Variants in ZNF586 observed in about 807,000 individuals in gnomAD.
ZNF586 encodes the protein zinc finger protein 586.
Under a neutral mutation model 6.7 loss-of-function variants are expected in ZNF586, and 7 were observed. The observed-to-expected ratio is 1.04, with a 90% CI of 0.59 to 1.95. The LOEUF (loss-of-function observed/expected upper bound fraction) is 1.95, where lower values mean the gene tolerates loss of function less well. Among genes scored for constraint, ZNF586 ranks in the 30% most tolerant of loss-of-function variants. The pLI is 0.00. For synonymous variants in ZNF586, 166 were observed against 168.7 expected, an observed-to-expected ratio of 0.98 and a Z score of 0.12; for missense variants, 442 against 489.6, an observed-to-expected ratio of 0.90 and a Z score of 0.92.
At chr19:57,778,063 A>T (rs1188039915) in intron 2 of ZNF586, among the ~76,000 whole-genome samples, 3 of 143,402 alleles carry the variant, frequency 2.1e-5, no homozygotes, top group Non-Finnish European at 4.5e-5. Context: ...GCCTCTATGG[A>T]GTATATAATC....
At chr19:57,778,255 A>T (rs1987288621) in intron 2 of ZNF586, among the ~76,000 whole-genome samples, 1 of 151,780 alleles carries the variant, frequency 6.6e-6, no homozygotes, top group Non-Finnish European at 1.5e-5. Flanking sequence ...TTTTTAGTAG[A>T]GATGGGGTTT....
intron 1 of ZNF586, among the ~76,000 whole-genome samples, chr19:57,775,061 A>AC (rs1987198044): frequency 6.6e-6 from 1 of 150,456 alleles, no homozygotes; most frequent in South Asian, 2.1e-4. Context: ...GTACAGTGGC[A>AC]GATCTCATCT....
At chr19:57,774,515 C>T (rs1039075557) in intron 1 of ZNF586, among the ~76,000 whole-genome samples, 3 of 150,182 alleles carry the variant, frequency 2.0e-5, no homozygotes, top group African/African-American at 7.3e-5. Context: ...AAGAGTGAAA[C>T]TCCATCTCAA....
intron 1 of ZNF586, among the ~76,000 whole-genome samples, chr19:57,770,313 C>T (rs1436834642): frequency 1.3e-5 from 2 of 151,828 alleles, no homozygotes; most frequent in Non-Finnish European, 2.9e-5. Flanking sequence ...TGCGCCACCA[C>T]GGGGTTTCAC....
chr19:57,779,773 A>G lies in ZNF586; in HGVS notation c.1186A>G (p.Thr396Ala), dbSNP rs377067568. 3 of 1,600,706 alleles carry G rather than the reference A, an allele frequency of 1.9e-6. No homozygotes were observed. ...SSFRRHQRVH[T>A]GMRPYK is the part of the protein sequence containing the mutation. The stretch of plus-strand genomic sequence containing the variant: ...GTTCCGTCGCCATCAGAGAGTTCAT[A>G]CTGGAATGAGGCCTTATAAGTGAAG... Residue 396 changes from threonine to alanine, a missense_variant, in exon 3 of 3, where the codon ACT becomes GCT. Physicochemically the swap from Thr to Ala is moderately conservative, Grantham distance 58. Transcript: ENST00000396154.
In ZNF586 at chr19:57,779,875, G is replaced by T; in HGVS notation, c.*79G>T. The T allele has an allele frequency of 8.2e-7, 1 of 1,215,064 alleles. No individual in the cohort carries two copies. The highest frequency in any genetic ancestry group is 1.5e-5 in the South Asian group (1 of 67,438). 75.3% of individuals were successfully genotyped at this position (1,215,064 alleles called of 1,614,324 possible). On this transcript the variant is annotated 3_prime_UTR_variant, in exon 3 of 3. Coordinates refer to ENST00000396154, the MANE Select transcript of ZNF586 (RefSeq NM_017652.4). Reference sequence around the variant, plus strand: ...AGTTCACACCAGATCAAGGTGTTATGAGTGTGACAAATGGGGAATATTCTT... The same window carrying T: ...AGTTCACACCAGATCAAGGTGTTATTAGTGTGACAAATGGGGAATATTCTT...
intron 1 of ZNF586, among the ~76,000 whole-genome samples, chr19:57,776,006 C>A (rs78778746): frequency 0.015 from 2,218 of 152,326 alleles, 35 homozygotes; most frequent in Middle Eastern, 0.037. Flanking sequence ...TTCGTGATGA[C>A]TTGTGTTCAG....
chr19:57,779,823 A>G lies in ZNF586; in HGVS notation c.*27A>G, dbSNP rs770140647. On this transcript the variant is annotated 3_prime_UTR_variant, in exon 3 of 3. Transcript: ENST00000396154. ...GCAAATTTTGGAAATTCTCTTGCCCAGGCTTTTTGCTCCTTCAAGGCCAGA... is the reference window on the plus strand; with the variant it reads ...GCAAATTTTGGAAATTCTCTTGCCCGGGCTTTTTGCTCCTTCAAGGCCAGA... 4 of 1,547,948 alleles carry G rather than the reference A, an allele frequency of 2.6e-6. No homozygotes were observed. The highest frequency in any genetic ancestry group is 3.5e-6 in the Non-Finnish European group (4 of 1,147,804).
intron 1 of ZNF586, among the ~76,000 whole-genome samples, chr19:57,773,657 G>A (rs1301419482): frequency 3.9e-5 from 6 of 152,310 alleles, no homozygotes; most frequent in Non-Finnish European, 7.4e-5. Flanking sequence ...TTTGGCAAGT[G>A]ACATAATGCT....
rs760123815 is a variant in ZNF586, at chr19:57,779,020, A to G, written c.433A>G (p.Thr145Ala). The change falls in exon 3 of 3, where the codon ACT becomes GCT. Residue 145 changes from threonine to alanine, a missense_variant. Thr to Ala is a moderately conservative substitution (Grantham distance 58). Coordinates refer to ENST00000396154, the MANE Select transcript of ZNF586 (RefSeq NM_017652.4). ...PTLHIHERFH[T>A]GQKTYECSEC... ...ACTCCATATTCATGAGAGATTTCAT[A>G]CTGGGCAAAAGACCTATGAGTGCAG... 8.1e-6 allele frequency: 13 copies of G among 1,614,142 alleles called. No individual in the cohort carries two copies. Among genetic ancestry groups the G allele is most frequent in the Non-Finnish European group, 1.1e-5 (13 of 1,180,032 alleles).
intron 2 of ZNF586, among the ~76,000 whole-genome samples, chr19:57,777,155 G>A (rs932860245): frequency 5.3e-5 from 8 of 152,150 alleles, no homozygotes; most frequent in South Asian, 4.1e-4. Flanking sequence ...GAGGCTACTC[G>A]GAGCCCAGGA....
intron 1 of ZNF586, among the ~76,000 whole-genome samples, chr19:57,774,216 C>CA (rs34864063): frequency 0.13 from 8,832 of 68,830 alleles, 1,511 homozygotes; most frequent in African/African-American, 0.4. Flanking sequence ...AACTCCGTCT[C>CA]AAAAAAAAAA....
rs765668911 is a variant in ZNF586, at chr19:57,779,267, T to G, written c.680T>G (p.Ile227Ser). 3.7e-6 allele frequency: 6 copies of G among 1,613,988 alleles called. No individual in the cohort carries two copies. Among genetic ancestry groups the G allele is most frequent in the Non-Finnish European group, 4.2e-6 (5 of 1,180,030 alleles). Residue 227 changes from isoleucine (I) to serine (S), a missense_variant, in exon 3 of 3, where the codon ATT becomes AGT. Physicochemically the swap from Ile to Ser is moderately radical, Grantham distance 142 (BLOSUM62 -2). Coordinates refer to ENST00000396154, the MANE Select transcript of ZNF586 (RefSeq NM_017652.4). ...TCTAGTCTCATTAAACACAGGAGGA[T>G]TCACACTGGAGAGAGGCCTTATGAG... ...YTSSLIKHRR[I>S]HTGERPYECS...
chr19:57,777,818 C>T (rs549966232), intron 2 of ZNF586, among the ~76,000 whole-genome samples: 1 of 126,140 alleles, frequency 7.9e-6, no homozygotes, highest in Non-Finnish European at 1.5e-5. Context: ...TGCAATAGTG[C>T]GATCTCGGCT....
intron 2 of ZNF586, among the ~76,000 whole-genome samples, chr19:57,776,908 A>G (rs1180678220): frequency 1.3e-5 from 2 of 152,040 alleles, no homozygotes; most frequent in Non-Finnish European, 2.9e-5. Context: ...AAGTCACCCT[A>G]ATGCCTCCCA....
At chr19:57,770,465 C>CT (rs1987068666) in intron 1 of ZNF586, among the ~76,000 whole-genome samples, 1 of 152,172 alleles carries the variant, frequency 6.6e-6, no homozygotes, top group Non-Finnish European at 1.5e-5. Flanking sequence ...GAGGGTTGAA[C>CT]TTTGACTGTG....
chr19:57,769,899 G>A (rs768939618), intron 1 of ZNF586, 21 bp downstream of exon 1: 203 of 1,529,650 alleles, frequency 1.3e-4, no homozygotes, highest in Non-Finnish European at 1.7e-4. Context: ...CGACCTCCGG[G>A]CCTTACCCAC....
intron 1 of ZNF586, among the ~76,000 whole-genome samples, chr19:57,775,830 G>C (rs1280131149): frequency 6.6e-6 from 1 of 152,110 alleles, no homozygotes; most frequent in Non-Finnish European, 1.5e-5. Context: ...TCGAACTCCT[G>C]ACCTCAGGTG....
Position 57,779,154 on chromosome 19 carries a change from A to C in ZNF586, c.567A>C (p.Glu189Asp), listed in dbSNP as rs766830853. 1 of 1,613,960 alleles carries C rather than the reference A, an allele frequency of 6.2e-7. No individual in the cohort carries two copies. The highest frequency in any genetic ancestry group is 8.5e-7 in the Non-Finnish European group (1 of 1,179,974). ...TTGAATGTGGGAAAGCCTTTGCTGA[A>C]AAGTCCAGTCTCATTAACCACAGGA... ...ECIECGKAFA[E>D]KSSLINHRKV... The change falls in exon 3 of 3, where the codon GAA becomes GAC. Residue 189 changes from glutamate to aspartate, a missense_variant. By Grantham distance (45) the Glu-to-Asp change is conservative (BLOSUM62 2). Coordinates refer to ENST00000396154, the MANE Select transcript of ZNF586 (RefSeq NM_017652.4).
Sources: gnomAD v4.1 joint callset for allele counts (sites outside exome capture counted in the v4.1 genomes callset) on GRCh38, gnomAD v4.1.1 for gene constraint, MANE v1.5 for transcripts, NCBI Gene and HGNC (gene_info 2026-07-23, HGNC 2026-07-21) for gene names.